The following CADM2 variants were observed in gnomAD, a reference collection of about 807,000 sequenced individuals.
CADM2 encodes the protein cell adhesion molecule 2.
Under a neutral mutation model 49.8 loss-of-function variants are expected in CADM2, and 12 were observed. That is an observed-to-expected ratio of 0.24 (90% CI 0.15 to 0.39). CADM2 has a LOEUF of 0.39. Among genes scored for constraint, CADM2 ranks in the 10% least tolerant of loss-of-function variants. The probability of loss-of-function intolerance (pLI) is 1.00; values close to 1 mark genes in which losing one functional copy is unlikely to be tolerated. For synonymous variants in CADM2, 214 were observed against 175.4 expected, an observed-to-expected ratio of 1.22 and a Z score of -1.74; for missense variants, 378 against 492.3, an observed-to-expected ratio of 0.77 and a Z score of 2.20.
At chr3:85,017,360 G>A (rs1016605776) in intron 1 of CADM2, among the ~76,000 whole-genome samples, 1 of 152,184 alleles carries the variant, frequency 6.6e-6, no homozygotes, top group Non-Finnish European at 1.5e-5. Context: ...TTAAGTGTTG[G>A]AAGAGGAATG....
chr3:84,964,122 G>C (rs1163025550), intron 1 of CADM2, among the ~76,000 whole-genome samples: 1 of 152,154 alleles, frequency 6.6e-6, no homozygotes, highest in Non-Finnish European at 1.5e-5. Context: ...ACAAAGCTAA[G>C]TATCAACTGA....
intron 1 of CADM2, among the ~76,000 whole-genome samples, chr3:85,483,839 A>G (rs979569764): frequency 6.6e-6 from 1 of 151,532 alleles, no homozygotes; most frequent in African/African-American, 2.4e-5. Flanking sequence ...TTCTTGAATT[A>G]CTATTTTGTA....
At chr3:85,972,379 C>T (rs911347381) in intron 8 of CADM2, among the ~76,000 whole-genome samples, 1 of 151,700 alleles carries the variant, frequency 6.6e-6, no homozygotes, top group African/African-American at 2.4e-5. Context: ...TGATATACCT[C>T]AAGTTCTAAC....
At chr3:85,641,856 AG>A (rs2064726620) in intron 1 of CADM2, among the ~76,000 whole-genome samples, 2 of 152,024 alleles carry the variant, frequency 1.3e-5, no homozygotes, top group South Asian at 4.1e-4. Context: ...GCGTGAACCC[AG>A]GAGGCAGAGC....
intron 1 of CADM2, among the ~76,000 whole-genome samples, chr3:85,618,644 C>T (rs1346307071): frequency 5.3e-5 from 8 of 151,876 alleles, no homozygotes; most frequent in Non-Finnish European, 1.0e-4. Context: ...TATTTGTGTG[C>T]CTCTCTCTCT....
At chr3:85,926,351 G>A (rs892921360) in intron 6 of CADM2, among the ~76,000 whole-genome samples, 3 of 151,994 alleles carry the variant, frequency 2.0e-5, no homozygotes, top group Non-Finnish European at 2.9e-5. Context: ...GCTATTCTCC[G>A]TTCCTCTAAC....
intron 3 of CADM2, among the ~76,000 whole-genome samples, chr3:85,879,795 T>G (rs1332801391): frequency 6.6e-6 from 1 of 152,188 alleles, no homozygotes; most frequent in Admixed American, 6.5e-5. Context: ...CCGATACAGT[T>G]TAATAGTCTT....
At chr3:85,532,089 AT>A (rs1360096573) in intron 1 of CADM2, among the ~76,000 whole-genome samples, 1 of 152,182 alleles carries the variant, frequency 6.6e-6, no homozygotes, top group Non-Finnish European at 1.5e-5. Flanking sequence ...AGGCAGGAGA[AT>A]GGCGTGAACC....
intron 3 of CADM2, among the ~76,000 whole-genome samples, chr3:85,856,985 A>C (rs957406621): frequency 1.3e-5 from 2 of 152,212 alleles, no homozygotes; most frequent in Non-Finnish European, 2.9e-5. Context: ...TAATTTACTT[A>C]CAAGCAACAG....
intron 1 of CADM2, among the ~76,000 whole-genome samples, chr3:85,231,307 G>A (rs1275808601): frequency 6.6e-6 from 1 of 152,090 alleles, no homozygotes; most frequent in East Asian, 1.9e-4. Flanking sequence ...ATGAAGCTTT[G>A]TAGTGAAAGC....
chr3:85,247,470 C>G (rs1383915256), intron 1 of CADM2, among the ~76,000 whole-genome samples: 1 of 152,040 alleles, frequency 6.6e-6, no homozygotes, highest in Non-Finnish European at 1.5e-5. Flanking sequence ...AGAGTTTGTT[C>G]TTACATTCAA....
At chr3:85,530,475 CG>C (rs1287688112) in intron 1 of CADM2, among the ~76,000 whole-genome samples, 4 of 151,746 alleles carry the variant, frequency 2.6e-5, no homozygotes, top group Non-Finnish European at 1.5e-5. Flanking sequence ...GGACTACAGG[CG>C]CCCGCCACCA....
At chr3:85,124,866 A>G (rs572548524) in intron 1 of CADM2, among the ~76,000 whole-genome samples, 4 of 152,340 alleles carry the variant, frequency 2.6e-5, no homozygotes, top group East Asian at 1.9e-4. Flanking sequence ...GAATTTTTAC[A>G]TAGGTACTCC....
intron 1 of CADM2, among the ~76,000 whole-genome samples, chr3:84,986,738 A>C (rs1299509204): frequency 6.6e-6 from 1 of 150,580 alleles, no homozygotes; most frequent in Non-Finnish European, 1.5e-5. Flanking sequence ...ATGTACCCTA[A>C]AACTTAAAGT....
chr3:85,085,747 A>C (rs1232638148), intron 1 of CADM2, among the ~76,000 whole-genome samples: 1 of 152,158 alleles, frequency 6.6e-6, no homozygotes, highest in Admixed American at 6.6e-5. Context: ...CACAAAGCAA[A>C]GGCAATATAT....
At chr3:85,431,388 C>T (rs2036655695) in intron 1 of CADM2, among the ~76,000 whole-genome samples, 2 of 152,036 alleles carry the variant, frequency 1.3e-5, no homozygotes, top group South Asian at 4.1e-4. Flanking sequence ...GCTATTTTTA[C>T]CTCATTGGAT....
chr3:85,002,173 T>C (rs1218575676), intron 1 of CADM2, among the ~76,000 whole-genome samples: 1 of 152,150 alleles, frequency 6.6e-6, no homozygotes, highest in Non-Finnish European at 1.5e-5. Context: ...TTGTCCCAAT[T>C]ACTGTCGATA....
At chr3:85,217,157 T>C (rs1291507847) in intron 1 of CADM2, among the ~76,000 whole-genome samples, 1 of 151,864 alleles carries the variant, frequency 6.6e-6, no homozygotes, top group African/African-American at 2.4e-5. Context: ...CACACAAAGA[T>C]GTTTATTTAC....
intron 1 of CADM2, among the ~76,000 whole-genome samples, chr3:85,292,619 C>T (rs1429533862): frequency 1.3e-5 from 2 of 148,242 alleles, no homozygotes; most frequent in Non-Finnish European, 3.0e-5. Context: ...CAAACTAGAA[C>T]TCAGGATTAA....
Sources: allele counts gnomAD v4.1 joint callset (sites outside exome capture counted in the v4.1 genomes callset), GRCh38; gene constraint gnomAD v4.1.1; transcripts MANE v1.5; gene names NCBI Gene and HGNC (gene_info 2026-07-23, HGNC 2026-07-21).